The following PCDHA9 variants were observed in gnomAD, a reference collection of about 807,000 sequenced individuals.
The protein encoded by PCDHA9 is protocadherin alpha-9.
A neutral mutation model predicts 62.0 loss-of-function variants in PCDHA9; 62 were observed. That is an observed-to-expected ratio of 1.00 (90% CI 0.81 to 1.23). PCDHA9 has a LOEUF of 1.23. PCDHA9 is among the 50% of genes most tolerant of loss of function. The pLI is 0.00. For synonymous variants in PCDHA9, 557 were observed against 567.6 expected, an observed-to-expected ratio of 0.98 and a Z score of 0.27; for missense variants, 1,205 against 1,249.8, an observed-to-expected ratio of 0.96 and a Z score of 0.54.
chr5:140,855,092 T>A (rs2043336220), intron 1 of PCDHA9, among the ~76,000 whole-genome samples: 1 of 149,960 alleles, frequency 6.7e-6, no homozygotes, highest in Admixed American at 6.7e-5. Context: ...TCTCAGCCTG[T>A]GCAGTAGCAA....
chr5:140,909,945 A>C (rs540241627), intron 1 of PCDHA9, among the ~76,000 whole-genome samples: 3 of 152,316 alleles, frequency 2.0e-5, no homozygotes, highest in Non-Finnish European at 4.4e-5. Context: ...ACTCTGGTAA[A>C]AAGCCGTAGG....
intron 1 of PCDHA9, chr5:140,857,722 C>T (rs371525843): frequency 4.4e-6 from 7 of 1,597,318 alleles, no homozygotes; most frequent in African/African-American, 2.7e-5. Flanking sequence ...TGGACGAGAA[C>T]GACAACGCTC....
At chr5:141,000,223 G>A (rs1190945878) in intron 3 of PCDHA9, among the ~76,000 whole-genome samples, 2 of 151,642 alleles carry the variant, frequency 1.3e-5, no homozygotes, top group African/African-American at 4.8e-5. Flanking sequence ...AAATGCCTGT[G>A]TGGAGCTGAA....
At chr5:140,974,372 G>A (rs782769705) in intron 1 of PCDHA9, among the ~76,000 whole-genome samples, 28 of 152,076 alleles carry the variant, frequency 1.8e-4, no homozygotes, top group Non-Finnish European at 4.0e-4. Flanking sequence ...AGCACTTTCT[G>A]TTGTACTGGA....
chr5:140,896,390 C>A, intron 1 of PCDHA9, among the ~76,000 whole-genome samples: 1 of 152,124 alleles, frequency 6.6e-6, no homozygotes, highest in Non-Finnish European at 1.5e-5. Flanking sequence ...ACCTCACCAG[C>A]ATCTGTTATT....
At chr5:140,920,616 C>T (rs929240808) in intron 1 of PCDHA9, among the ~76,000 whole-genome samples, 3 of 152,128 alleles carry the variant, frequency 2.0e-5, no homozygotes, top group Admixed American at 1.3e-4. Context: ...GAGGCCGAGG[C>T]GGATGGATCA....
rs183711966 is a variant in PCDHA9 at position 140,861,816 on chromosome 5, C to G, written c.2394+10927C>G. 643 of 159,770 alleles carry G rather than the reference C, an allele frequency of 4.0e-3. 2 individuals carry two copies. The highest frequency in any genetic ancestry group is 5.6e-3 in the Non-Finnish European group (413 of 73,346). 9.9% of individuals were successfully genotyped at this position (159,770 alleles called of 1,614,324 possible). A position where few individuals can be genotyped will look rare whatever the true frequency, so the allele number is the denominator to read the frequency against. On this transcript the variant is annotated intron_variant, in intron 1 of 3. Coordinates refer to ENST00000532602, the MANE Select transcript of PCDHA9 (RefSeq NM_031857.2). ...TGAAGGTGTATTTTAAAAATTCTTT[C>G]AGATAGGTAAGTCACTTCAGAGCTA...
chr5:140,876,273 C>T, intron 1 of PCDHA9: 1 of 1,613,982 alleles, frequency 6.2e-7, no homozygotes, highest in South Asian at 1.1e-5. Context: ...TAAATGCTTC[C>T]GATCCAGACG....
chr5:140,885,727 A>G (rs539866953), intron 1 of PCDHA9, among the ~76,000 whole-genome samples: 1 of 152,308 alleles, frequency 6.6e-6, no homozygotes, highest in South Asian at 2.1e-4. Context: ...TCTCTGTGAA[A>G]TGATATTTCA....
chr5:140,928,795 G>T, intron 1 of PCDHA9: 1 of 1,614,152 alleles, frequency 6.2e-7, no homozygotes, highest in South Asian at 1.1e-5. Flanking sequence ...GCAGAGGGTG[G>T]TGGTAGTGGT....
intron 3 of PCDHA9, among the ~76,000 whole-genome samples, chr5:140,983,660 A>G (rs1460631508): frequency 6.6e-6 from 1 of 152,244 alleles, no homozygotes; most frequent in African/African-American, 2.4e-5. Context: ...TAAGTGGCAG[A>G]GGGTAGGATT....
At chr5:140,987,444 C>G (rs2097254283) in intron 3 of PCDHA9, among the ~76,000 whole-genome samples, 1 of 151,998 alleles carries the variant, frequency 6.6e-6, no homozygotes, top group African/African-American at 2.4e-5. Flanking sequence ...TCCCCATGCC[C>G]GAGAGATAAT....
intron 1 of PCDHA9, among the ~76,000 whole-genome samples, chr5:140,973,564 A>T (rs2096593487): frequency 6.6e-6 from 1 of 152,168 alleles, no homozygotes; most frequent in Admixed American, 6.5e-5. Context: ...CTCTTTCCTC[A>T]ATTTTTCTAC....
At position 140,850,252 on chromosome 5, in the gene PCDHA9, G is replaced by C. The variant is rs1377963742; in HGVS notation, c.1757G>C (p.Gly586Ala). 3.1e-5 allele frequency: 49 copies of C among 1,593,714 alleles called. 1 individual carries two copies. The East Asian group carries it at 1.0e-3, about 34-fold the overall frequency. ...AVSEMVLRSV[G>A]AGVVVGKVRA... ...AGCGAGATGGTGCTGCGGTCGGTGGGCGCCGGCGTAGTGGTGGGGAAGGTG... is the reference window on the plus strand; with the variant it reads ...AGCGAGATGGTGCTGCGGTCGGTGGCCGCCGGCGTAGTGGTGGGGAAGGTG... The change falls in exon 1 of 4, where the codon GGC becomes GCC. Residue 586 changes from glycine to alanine, a missense_variant. Transcript: ENST00000532602.
chr5:140,883,150 C>T, intron 1 of PCDHA9: 1 of 1,613,910 alleles, frequency 6.2e-7, no homozygotes, highest in Non-Finnish European at 8.5e-7. Flanking sequence ...ATGCATTTAC[C>T]ATAAATCCGA....
chr5:140,927,193 C>A, intron 1 of PCDHA9: 1 of 1,614,186 alleles, frequency 6.2e-7, no homozygotes, highest in Non-Finnish European at 8.5e-7. Context: ...CGACCTGGTG[C>A]TCGAGGACCC....
At chr5:140,947,655 A>G (rs942849633) in intron 1 of PCDHA9, among the ~76,000 whole-genome samples, 3 of 151,542 alleles carry the variant, frequency 2.0e-5, no homozygotes, top group Non-Finnish European at 4.4e-5. Context: ...ATATACCTCC[A>G]TTTACTTGGG....
intron 1 of PCDHA9, among the ~76,000 whole-genome samples, chr5:140,914,069 A>G (rs1042316751): frequency 2.8e-4 from 43 of 152,216 alleles, no homozygotes; most frequent in Non-Finnish European, 5.6e-4. Context: ...GAAATGCTCC[A>G]TAACTATCTA....
chr5:140,914,933 T>C (rs1025071911), intron 1 of PCDHA9, among the ~76,000 whole-genome samples: 1 of 149,146 alleles, frequency 6.7e-6, no homozygotes, highest in Non-Finnish European at 1.5e-5. Flanking sequence ...TACTATGTTG[T>C]GAAAAGTTGT....
Sources: gnomAD v4.1 joint callset for allele counts (sites outside exome capture counted in the v4.1 genomes callset) on GRCh38, gnomAD v4.1.1 for gene constraint, MANE v1.5 for transcripts, NCBI Gene and HGNC (gene_info 2026-07-23, HGNC 2026-07-21) for gene names.